Variants in PCDH15 observed in about 807,000 individuals in gnomAD.
PCDH15 encodes the protein protocadherin related 15.
Under a neutral mutation model 178.5 loss-of-function variants are expected in PCDH15, and 129 were observed. The observed-to-expected ratio is 0.72, with a 90% CI of 0.63 to 0.84. PCDH15 has a LOEUF of 0.84. Among genes scored for constraint, PCDH15 ranks in the 40% least tolerant of loss-of-function variants. PCDH15 has a pLI of 0.00. For missense variants in PCDH15, 2,230 were observed against 2,099.9 expected (o/e 1.06, Z -1.21); for synonymous variants, 800 against 732.0 (o/e 1.09, Z -1.50).
At chr10:54,990,849 A>G (rs1356881385) in intron 2 of PCDH15, among the ~76,000 whole-genome samples, 1 of 152,136 alleles carries the variant, frequency 6.6e-6, no homozygotes, top group Non-Finnish European at 1.5e-5. Flanking sequence ...AAATCCCCTC[A>G]GGATAATAAT....
intron 6 of PCDH15, among the ~76,000 whole-genome samples, chr10:54,343,822 A>T (rs984602008): frequency 6.6e-6 from 1 of 151,990 alleles, no homozygotes; most frequent in South Asian, 2.1e-4. Flanking sequence ...TAAAAATAAA[A>T]ATAAGTTGAA....
chr10:54,365,643 G>A (rs1385137415), intron 5 of PCDH15, among the ~76,000 whole-genome samples: 1 of 152,032 alleles, frequency 6.6e-6, no homozygotes, highest in East Asian at 1.9e-4. Context: ...TGCCATCACT[G>A]TCGAGAAAGA....
At chr10:55,210,250 G>C (rs1296005519) in intron 1 of PCDH15, among the ~76,000 whole-genome samples, 9 of 151,948 alleles carry the variant, frequency 5.9e-5, no homozygotes, top group Non-Finnish European at 1.2e-4. Context: ...GAGTCATGGG[G>C]CCACGAATAA....
At chr10:54,751,721 TTA>T (rs1946251796) in intron 1 of PCDH15, among the ~76,000 whole-genome samples, 1 of 152,184 alleles carries the variant, frequency 6.6e-6, no homozygotes. Context: ...TTCCAAATGT[TTA>T]TGTTTCTTTG....
chr10:54,020,118 G>C (rs945974143), intron 20 of PCDH15, 74 bp downstream of exon 20: 210 of 1,226,466 alleles, frequency 1.7e-4, no homozygotes, highest in Non-Finnish European at 2.3e-4. Context: ...ACATATTATA[G>C]GTATAATAGA....
At chr10:54,977,653 C>T (rs529851653) in intron 2 of PCDH15, among the ~76,000 whole-genome samples, 1 of 152,116 alleles carries the variant, frequency 6.6e-6, no homozygotes, top group Non-Finnish European at 1.5e-5. Flanking sequence ...GGCTTTTCTG[C>T]CTATGAAATA....
intron 8 of PCDH15, among the ~76,000 whole-genome samples, chr10:54,269,139 A>G (rs1447014563): frequency 6.6e-6 from 1 of 151,984 alleles, no homozygotes; most frequent in Non-Finnish European, 1.5e-5. Context: ...TATGAAACAT[A>G]TTCAATTAAT....
chr10:54,807,538 T>A (rs1952798100), intron 3 of PCDH15, among the ~76,000 whole-genome samples: 2 of 151,776 alleles, frequency 1.3e-5, no homozygotes, highest in Non-Finnish European at 2.9e-5. Flanking sequence ...ACTTTTTTTT[T>A]CTCTTTAGTG....
chr10:55,106,568 A>G (rs922305999), intron 2 of PCDH15, among the ~76,000 whole-genome samples: 3 of 152,050 alleles, frequency 2.0e-5, no homozygotes, highest in African/African-American at 7.2e-5. Flanking sequence ...GGCACTCGCC[A>G]CCACATCCAG....
intron 35 of PCDH15, among the ~76,000 whole-genome samples, chr10:53,812,149 C>A (rs570407639): frequency 1.3e-5 from 2 of 152,028 alleles, no homozygotes; most frequent in African/African-American, 2.4e-5. Flanking sequence ...TGTAATGCTT[C>A]CCAAGGATGT....
intron 1 of PCDH15, among the ~76,000 whole-genome samples, chr10:55,256,132 T>C (rs1841990841): frequency 6.6e-6 from 1 of 152,116 alleles, no homozygotes; most frequent in Admixed American, 6.5e-5. Flanking sequence ...TTGTATAAGG[T>C]GTAAGGAAGA....
At chr10:54,077,860 C>T (rs1055660102) in intron 17 of PCDH15, among the ~76,000 whole-genome samples, 5 of 152,104 alleles carry the variant, frequency 3.3e-5, no homozygotes, top group South Asian at 2.1e-4. Context: ...GTCAGGAGTT[C>T]GAGTCCAGCC....
At chr10:54,068,156 A>C (rs946447576) in intron 17 of PCDH15, among the ~76,000 whole-genome samples, 12 of 152,088 alleles carry the variant, frequency 7.9e-5, no homozygotes, top group Non-Finnish European at 1.5e-4. Flanking sequence ...CCCTTATTTT[A>C]ACAGAAGCAA....
At chr10:54,716,128 C>A (rs1336602534) in intron 1 of PCDH15, among the ~76,000 whole-genome samples, 1 of 152,140 alleles carries the variant, frequency 6.6e-6, no homozygotes, top group Non-Finnish European at 1.5e-5. Context: ...CATGTGCATG[C>A]CATTGGGAAA....
chr10:54,439,003 T>G (rs1311562392), intron 3 of PCDH15, among the ~76,000 whole-genome samples: 1 of 152,106 alleles, frequency 6.6e-6, no homozygotes, highest in Non-Finnish European at 1.5e-5. Context: ...TATTAAATCC[T>G]GCAAAGACTT....
intron 3 of PCDH15, among the ~76,000 whole-genome samples, chr10:54,416,172 G>A (rs1030954191): frequency 6.6e-6 from 1 of 151,902 alleles, no homozygotes; most frequent in African/African-American, 2.4e-5. Flanking sequence ...TTTACTTTAA[G>A]TTCTGGGATA....
intron 5 of PCDH15, among the ~76,000 whole-genome samples, chr10:54,359,563 A>C (rs1218212896): frequency 1.7e-4 from 26 of 152,040 alleles, no homozygotes; most frequent in Admixed American, 1.7e-3. Flanking sequence ...ATTTAATATA[A>C]GAAAAATAAT....
chr10:54,593,604 T>C (rs192842697), intron 2 of PCDH15, among the ~76,000 whole-genome samples: 2 of 152,266 alleles, frequency 1.3e-5, no homozygotes. Flanking sequence ...GAAAGTGTGA[T>C]GCCTCTAGCT....
chr10:55,350,250 TATATATATATATATATATACACACAC>T (rs1033084383), intron 2 of PCDH15, among the ~76,000 whole-genome samples: 5 of 64,154 alleles, frequency 7.8e-5, no homozygotes, highest in African/African-American at 3.7e-4. Context: ...TATATATATA[TATATATATATATATATATACACACAC>T]ACACACACAC....
Sources: allele counts gnomAD v4.1 joint callset (sites outside exome capture counted in the v4.1 genomes callset), GRCh38; gene constraint gnomAD v4.1.1; transcripts MANE v1.5; gene names NCBI Gene and HGNC (gene_info 2026-07-23, HGNC 2026-07-21).